PCDH15: variants seen among roughly 807,000 people sequenced by gnomAD.
PCDH15 encodes protocadherin-15.
PCDH15 carries 129 observed loss-of-function variants against 178.5 expected under a neutral mutation model. The observed-to-expected ratio is 0.72, with a 90% confidence interval of 0.63 to 0.84. PCDH15 has a LOEUF of 0.84. PCDH15 is among the 40% of genes least tolerant of loss of function. The pLI is 0.00. For missense variants in PCDH15, 2,230 were observed against 2,099.9 expected, an observed-to-expected ratio of 1.06 and a Z score of -1.21; for synonymous variants, 800 against 732.0, an observed-to-expected ratio of 1.09 and a Z score of -1.50.
intron 2 of PCDH15, among the ~76,000 whole-genome samples, chr10:55,354,480 T>A (rs1460195901): frequency 6.6e-6 from 1 of 152,106 alleles, no homozygotes; most frequent in Non-Finnish European, 1.5e-5. Flanking sequence ...GACGACCTCA[T>A]ATTTTCTCAA....
At chr10:53,984,767 A>G (rs184569128) in intron 21 of PCDH15, among the ~76,000 whole-genome samples, 1 of 152,048 alleles carries the variant, frequency 6.6e-6, no homozygotes, top group Non-Finnish European at 1.5e-5. Flanking sequence ...TTTGCCACCA[A>G]TGGCAATCTT....
intron 25 of PCDH15, among the ~76,000 whole-genome samples, chr10:53,924,521 T>C (rs2084311709): frequency 6.6e-6 from 1 of 152,164 alleles, no homozygotes; most frequent in African/African-American, 2.4e-5. Flanking sequence ...CCCTGCTCTG[T>C]GGCACCTGGT....
At chr10:55,468,715 T>C (rs1210315806) in intron 2 of PCDH15, among the ~76,000 whole-genome samples, 2 of 152,214 alleles carry the variant, frequency 1.3e-5, no homozygotes, top group East Asian at 3.8e-4. Context: ...TTAAAAAATA[T>C]TTGAATTTCA....
chr10:53,868,803 GT>G (rs2079628294), intron 26 of PCDH15, among the ~76,000 whole-genome samples: 1 of 152,054 alleles, frequency 6.6e-6, no homozygotes, highest in Admixed American at 6.6e-5. Flanking sequence ...AGGATCAGCT[GT>G]TTCATGAATT....
rs544465716 is a variant in PCDH15 at position 55,389,154 on chromosome 10, G to C, written c.-155-222503C>G. Among the ~76,000 whole-genome samples the C allele has an allele frequency of 3.3e-5, 5 of 152,178 alleles. No individual in the cohort carries two copies. In the East Asian group the frequency reaches 7.7e-4, roughly 24 times the overall value. On this transcript the variant is annotated intron_variant, in intron 2 of 5. Transcript: ENST00000613346. ...TTCAGAGTCAGTAGCTGACATTTCA[G>C]TTTCCCTAAGGGAGAGTTTAAAAAA...
chr10:55,569,410 A>C (rs1474803942), intron 2 of PCDH15, among the ~76,000 whole-genome samples: 1 of 151,868 alleles, frequency 6.6e-6, no homozygotes, highest in Non-Finnish European at 1.5e-5. Context: ...GCTCATCCAT[A>C]CTCTGTCCAC....
intron 23 of PCDH15, among the ~76,000 whole-genome samples, chr10:53,948,604 C>T (rs1418731381): frequency 6.6e-6 from 1 of 152,046 alleles, no homozygotes; most frequent in Non-Finnish European, 1.5e-5. Context: ...ATGACTTATC[C>T]ATTATAAATT....
intron 2 of PCDH15, among the ~76,000 whole-genome samples, chr10:55,094,664 C>T (rs1056610000): frequency 7.9e-5 from 12 of 152,060 alleles, no homozygotes; most frequent in Middle Eastern, 3.4e-3. Context: ...CTGTATCATA[C>T]GTCAATGTTT....
chr10:54,646,371 T>C (rs1383668452), intron 2 of PCDH15, among the ~76,000 whole-genome samples: 2 of 152,134 alleles, frequency 1.3e-5, no homozygotes, highest in Non-Finnish European at 2.9e-5. Context: ...TGGTAGGTCC[T>C]GGAACCAAGC....
intron 1 of PCDH15, among the ~76,000 whole-genome samples, chr10:55,170,936 T>A (rs986250888): frequency 6.6e-6 from 1 of 152,116 alleles, no homozygotes; most frequent in African/African-American, 2.4e-5. Flanking sequence ...TTTCTCTTAG[T>A]ATATTTTCTT....
At position 55,249,565 on chromosome 10, in the gene PCDH15, G is replaced by A. The variant is rs1019590651; in HGVS notation, c.-156+70034C>T. 4.6e-5 allele frequency among the ~76,000 whole-genome samples: 7 copies of A among 152,086 alleles called. No individual in the cohort carries two copies. In the South Asian group the frequency reaches 1.2e-3, roughly 27 times the overall value. On this transcript the variant is annotated intron_variant, in intron 1 of 5. Coordinates refer to the PCDH15 transcript ENST00000458638. ...ACCCAGTAAAAAAGGGAAAATAAAA[G>A]TAATTATCAAACACAATCTGCTGAA...
intron 23 of PCDH15, among the ~76,000 whole-genome samples, chr10:53,955,606 T>A (rs1270190038): frequency 6.6e-6 from 1 of 152,184 alleles, no homozygotes; most frequent in East Asian, 1.9e-4. Flanking sequence ...CAGCTTACAG[T>A]GCTAGATTAC....
intron 2 of PCDH15, among the ~76,000 whole-genome samples, chr10:54,620,132 G>A (rs568628006): frequency 1.3e-5 from 2 of 152,018 alleles, no homozygotes; most frequent in Non-Finnish European, 2.9e-5. Flanking sequence ...AGATGACGCG[G>A]CCCACAAAAG....
At chr10:54,560,448 G>GT (rs2087957192) in intron 2 of PCDH15, among the ~76,000 whole-genome samples, 1 of 151,900 alleles carries the variant, frequency 6.6e-6, no homozygotes, top group African/African-American at 2.4e-5. Flanking sequence ...TATTTAGATT[G>GT]TTTTTTGTCA....
chr10:55,177,149 G>T (rs1477291771), intron 1 of PCDH15, among the ~76,000 whole-genome samples: 7 of 152,118 alleles, frequency 4.6e-5, no homozygotes, highest in Admixed American at 1.3e-4. Flanking sequence ...GCAAAGAAAA[G>T]ATTAAGCTCA....
chr10:54,089,842 CCCAGCTA>C, intron 16 of PCDH15, 135 bp downstream of exon 16: 1 of 677,702 alleles, frequency 1.5e-6, no homozygotes, highest in Admixed American at 2.5e-5. Flanking sequence ...GAATTATCCT[CCCAGCTA>C]CCATTAGCAT....
At chr10:54,896,839 AC>A (rs1010480808) in intron 3 of PCDH15, among the ~76,000 whole-genome samples, 2 of 152,102 alleles carry the variant, frequency 1.3e-5, no homozygotes, top group African/African-American at 2.4e-5. Context: ...AGTAAAAAAA[AC>A]AATGTTTCTA....
intron 2 of PCDH15, among the ~76,000 whole-genome samples, chr10:55,023,583 A>G (rs982873994): frequency 6.6e-6 from 1 of 152,114 alleles, no homozygotes; most frequent in Non-Finnish European, 1.5e-5. Flanking sequence ...AGACACACAC[A>G]CAAGTGTTTG....
intron 8 of PCDH15, among the ~76,000 whole-genome samples, chr10:54,256,177 G>C (rs964792608): frequency 6.6e-6 from 1 of 152,084 alleles, no homozygotes; most frequent in Non-Finnish European, 1.5e-5. Context: ...TCTTTGAAGC[G>C]TATCCTACTG....
Sources: gnomAD v4.1 joint callset for allele counts (sites outside exome capture counted in the v4.1 genomes callset) on GRCh38, gnomAD v4.1.1 for gene constraint, MANE v1.5 for transcripts, NCBI Gene and HGNC (gene_info 2026-07-23, HGNC 2026-07-21) for gene names.